The following NRROS variants were observed in gnomAD, a reference collection of about 807,000 sequenced individuals.
NRROS encodes the protein negative regulator of reactive oxygen species.
NRROS carries 6 observed loss-of-function variants against 12.0 expected under a neutral mutation model. The ratio of observed to expected loss-of-function variants is 0.50; its 90% confidence interval spans 0.27 to 0.98. NRROS has a LOEUF of 0.98. Ranked by LOEUF, NRROS falls within the 50% of genes least tolerant of loss-of-function variation. The pLI is 0.11. For synonymous variants in NRROS, 462 were observed against 410.2 expected (o/e 1.13, Z -1.53); for missense variants, 857 against 888.2 (o/e 0.96, Z 0.45).
intron 1 of NRROS, among the ~76,000 whole-genome samples, chr3:196,642,475 G>A (rs1290654163): frequency 6.6e-6 from 1 of 152,086 alleles, no homozygotes; most frequent in East Asian, 1.9e-4. Context: ...GGCAAAGATG[G>A]CTGCCTGCAG....
intron 2 of NRROS, 107 bp from the exon 3 acceptor site, chr3:196,659,645 C>T: frequency 8.9e-7 from 1 of 1,128,868 alleles, no homozygotes. Context: ...ATCTCTAGAG[C>T]CATCCCCGGC....
chr3:196,660,511 C>A lies in NRROS; in HGVS notation c.868C>A (p.Leu290Met), dbSNP rs947354741. Reference protein sequence around the residue: ...RDNNMGFYRDLYNTSSPREMV... With the variant: ...RDNNMGFYRDMYNTSSPREMV... ...CAACAACATGGGCTTCTACCGGGAC[C>A]TGTACAACACCTCGTCGCCGAGGGA... is the stretch of plus-strand genomic sequence containing the variant. The change falls in exon 3 of 3, where the codon CTG becomes ATG. Residue 290 changes from leucine to methionine, a missense_variant. By Grantham distance (15) the Leu-to-Met change is conservative. Transcript: ENST00000328557. The surrounding 1 kb of genome is among the most constrained non-coding windows in gnomAD (Gnocchi z 7.7). The A allele has an allele frequency of 2.7e-5, 44 of 1,614,062 alleles. No homozygotes were observed. The highest frequency in any genetic ancestry group is 3.6e-5 in the Non-Finnish European group (43 of 1,180,048).
chr3:196,649,221 G>A (rs1051321383), intron 1 of NRROS, among the ~76,000 whole-genome samples: 2 of 152,196 alleles, frequency 1.3e-5, no homozygotes, highest in Admixed American at 1.3e-4. Flanking sequence ...GTCACAGACT[G>A]GGGGTTGGTT....
In NRROS at chr3:196,660,021, C is replaced by T. The variant is rs765772806; in HGVS notation, c.378C>T (p.Ala126=). The T allele has an allele frequency of 1.9e-6, 3 of 1,613,156 alleles. No homozygotes were observed. Among genetic ancestry groups the T allele is most frequent in the Non-Finnish European group, 2.5e-6 (3 of 1,179,928 alleles). Residue 126 remains alanine, a synonymous_variant, in exon 3 of 3, where the codon GCC becomes GCT. Coordinates refer to ENST00000328557, the MANE Select transcript of NRROS (RefSeq NM_198565.3). This position sits in a 1 kb window ranked among gnomAD's most constrained non-coding sequence, Gnocchi z 7.7. ...CAGAGAACTACGAAGAGACGGCAGC[C>T]GCCCTCCACGCCCTGCCGGGCCTGC... The part of the protein sequence containing the change: ...CLSENYEETA[A]ALHALPGLRR...
intron 1 of NRROS, among the ~76,000 whole-genome samples, chr3:196,647,100 T>C (rs1452993598): frequency 5.9e-5 from 9 of 152,252 alleles, no homozygotes; most frequent in African/African-American, 2.2e-4. Flanking sequence ...GCTTCCATTA[T>C]TGGACTTTTG....
In NRROS at chr3:196,661,434, C is replaced by G. The variant is rs1560057271; in HGVS notation, c.1791C>G (p.Asp597Glu). 1.3e-6 allele frequency: 2 copies of G among 1,586,758 alleles called. No homozygotes were observed. The highest frequency in any genetic ancestry group is 1.7e-6 in the Non-Finnish European group (2 of 1,164,128). ...TCTACCTCAGTCAGAATCCATATGA[C>G]TGCTGTGGGGTGGATGGCTGGGGGG... ...RTIYLSQNPY[D>E]CCGVDGWGAL... The change falls in exon 3 of 3, where the codon GAC (aspartate) becomes GAG (glutamate). Residue 597 changes from aspartate to glutamate, a missense_variant. Coordinates refer to ENST00000328557, the MANE Select transcript of NRROS (RefSeq NM_198565.3).
At position 196,660,765 on chromosome 3, in the gene NRROS, C is replaced by A; in HGVS notation, c.1122C>A (p.Pro374=). The change falls in exon 3 of 3, where the codon CCC becomes CCA. Residue 374 remains proline, a synonymous_variant. Transcript: ENST00000328557. The surrounding 1 kb of genome is among the most constrained non-coding windows in gnomAD (Gnocchi z 7.7). Reference sequence around the variant, plus strand: ...CGCTTCACATTCGGGAGCACGAGCCCCCCGGAGCGCTCACCGAGCTGGACC... The same window carrying A: ...CGCTTCACATTCGGGAGCACGAGCCACCCGGAGCGCTCACCGAGCTGGACC... ...LMTLHIREHE[P]PGALTELDLS... The A allele has an allele frequency of 6.2e-7, 1 of 1,613,880 alleles. No individual in the cohort carries two copies. The highest frequency in any genetic ancestry group is 1.6e-4 in the Middle Eastern group (1 of 6,062).
At chr3:196,646,057 G>A (rs1020485671) in intron 1 of NRROS, among the ~76,000 whole-genome samples, 4 of 152,220 alleles carry the variant, frequency 2.6e-5, no homozygotes, top group Non-Finnish European at 4.4e-5. Context: ...CCCACTAAAC[G>A]TGAAGTCCGA....
chr3:196,643,901 G>A (rs543837276), intron 1 of NRROS, among the ~76,000 whole-genome samples: 4 of 152,284 alleles, frequency 2.6e-5, no homozygotes, highest in African/African-American at 9.6e-5. Flanking sequence ...CAGACACCAA[G>A]GCTGAGCCTT....
intron 1 of NRROS, among the ~76,000 whole-genome samples, chr3:196,645,704 C>T (rs193293878): frequency 5.7e-4 from 86 of 152,172 alleles, no homozygotes; most frequent in African/African-American, 1.9e-3. Flanking sequence ...ACCAAGTAGT[C>T]GGGGTGGGGG....
chr3:196,658,264 G>GA (rs1577635582), intron 2 of NRROS, among the ~76,000 whole-genome samples: 1 of 152,192 alleles, frequency 6.6e-6, no homozygotes, highest in East Asian at 1.9e-4. Flanking sequence ...TCTTATTTTT[G>GA]TTTTTTAGAC....
chr3:196,652,802 T>C (rs1455450409), intron 1 of NRROS, among the ~76,000 whole-genome samples: 1 of 152,184 alleles, frequency 6.6e-6, no homozygotes, highest in Non-Finnish European at 1.5e-5. Context: ...TACGCAGGGC[T>C]GGCTCTTCCA....
In NRROS at chr3:196,660,593, G is replaced by C; in HGVS notation, c.950G>C (p.Ser317Thr). The C allele has an allele frequency of 6.2e-7, 1 of 1,614,158 alleles. No individual in the cohort carries two copies. The highest frequency in any genetic ancestry group is 8.5e-7 in the Non-Finnish European group (1 of 1,180,016). Reference sequence around the variant, plus strand: ...AACGTGACCAACATCACCACCGTCAGCCTCTGGGAAGAATTCTCCTCCAGC... The same window carrying C: ...AACGTGACCAACATCACCACCGTCACCCTCTGGGAAGAATTCTCCTCCAGC... ...DGNVTNITTVSLWEEFSSSDL... is the reference protein window; with the variant it reads ...DGNVTNITTVTLWEEFSSSDL... Residue 317 changes from serine to threonine, a missense_variant, in exon 3 of 3, where the codon AGC (serine) becomes ACC (threonine). By Grantham distance (58) the Ser-to-Thr change is moderately conservative. Coordinates refer to ENST00000328557, the MANE Select transcript of NRROS (RefSeq NM_198565.3). The surrounding 1 kb of genome is among the most constrained non-coding windows in gnomAD (Gnocchi z 7.7).
chr3:196,651,226 CT>C (rs1737418353), intron 1 of NRROS, among the ~76,000 whole-genome samples: 1 of 152,194 alleles, frequency 6.6e-6, no homozygotes, highest in African/African-American at 2.4e-5. Context: ...TTTTGAAAGC[CT>C]TTTATTTCTT....
At chr3:196,648,287 A>T (rs773667558) in intron 1 of NRROS, among the ~76,000 whole-genome samples, 11 of 152,204 alleles carry the variant, frequency 7.2e-5, no homozygotes, top group Non-Finnish European at 1.3e-4. Context: ...AATTACGGAC[A>T]TCATGAAAGT....
chr3:196,661,429 T>G lies in NRROS; in HGVS notation c.1786T>G (p.Tyr596Asp). 2 of 1,584,158 alleles carry G rather than the reference T, an allele frequency of 1.3e-6. No individual in the cohort carries two copies. Among genetic ancestry groups the G allele is most frequent in the Non-Finnish European group, 1.7e-6 (2 of 1,162,740 alleles). Residue 596 changes from tyrosine (Y) to aspartate (D), a missense_variant, in exon 3 of 3, where the codon TAT becomes GAT. Transcript: ENST00000328557. ...LRTIYLSQNPYDCCGVDGWGA... is the reference protein window; with the variant it reads ...LRTIYLSQNPDDCCGVDGWGA... ...GACCATCTACCTCAGTCAGAATCCATATGACTGCTGTGGGGTGGATGGCTG... is the reference window on the plus strand; with the variant it reads ...GACCATCTACCTCAGTCAGAATCCAGATGACTGCTGTGGGGTGGATGGCTG...
At position 196,660,038 on chromosome 3, in the gene NRROS, C is replaced by A. The variant is rs530581190; in HGVS notation, c.395C>A (p.Pro132Gln). 1.2e-6 allele frequency: 2 copies of A among 1,613,308 alleles called. No individual in the cohort carries two copies. The highest frequency in any genetic ancestry group is 2.7e-5 in the African/African-American group (2 of 75,058). The change falls in exon 3 of 3, where the codon CCG becomes CAG. Residue 132 changes from proline (P) to glutamine (Q), a missense_variant. Pro to Gln is a moderately conservative substitution (Grantham distance 76). Coordinates refer to ENST00000328557, the MANE Select transcript of NRROS (RefSeq NM_198565.3). The surrounding 1 kb of genome is among the most constrained non-coding windows in gnomAD (Gnocchi z 7.7). ...ACGGCAGCCGCCCTCCACGCCCTGC[C>A]GGGCCTGCGGAGGCTGGACTTGTCA... ...EETAAALHAL[P>Q]GLRRLDLSGN...
rs750400735 is a variant in NRROS at position 196,661,602 on chromosome 3, C to T, written c.1959C>T (p.Leu653=). The change falls in exon 3 of 3, where the codon CTC becomes CTT. Residue 653 remains leucine (L), a synonymous_variant. Transcript: ENST00000328557. ...WERLDLGLLY[L]VLILPSCLTL... ...GGCTGGACCTGGGCCTGCTCTACCT[C>T]GTGCTCATCCTCCCCAGCTGCCTCA... 5.0e-6 allele frequency: 8 copies of T among 1,613,536 alleles called. No homozygotes were observed. Among genetic ancestry groups the T allele is most frequent in the East Asian group, 4.5e-5 (2 of 44,894 alleles).
chr3:196,642,038 C>T (rs1247143511), intron 1 of NRROS, among the ~76,000 whole-genome samples: 1 of 152,184 alleles, frequency 6.6e-6, no homozygotes, highest in Non-Finnish European at 1.5e-5. Flanking sequence ...ACTCACTTTC[C>T]TCCCAAACCA....
Sources: gnomAD v4.1 joint callset for allele counts (sites outside exome capture counted in the v4.1 genomes callset) on GRCh38, gnomAD v4.1.1 for gene constraint, Gnocchi (gnomAD v3.1) non-coding constraint, MANE v1.5 for transcripts, NCBI Gene and HGNC (gene_info 2026-07-23, HGNC 2026-07-21) for gene names.